FBLN2: variants seen among roughly 807,000 people sequenced by gnomAD.
FBLN2 encodes the protein fibulin-2.
FBLN2 carries 81 observed loss-of-function variants against 123.7 expected under a neutral mutation model. The observed-to-expected ratio is 0.65, with a 90% confidence interval of 0.55 to 0.79. The LOEUF (loss-of-function observed/expected upper bound fraction) is 0.79, where lower values mean the gene tolerates loss of function less well. FBLN2 is among the 30% of genes least tolerant of loss of function. The probability of loss-of-function intolerance (pLI) is 0.00; values close to 1 mark genes in which losing one functional copy is unlikely to be tolerated. For synonymous variants in FBLN2, 699 were observed against 701.4 expected (o/e 1.00, Z 0.05); for missense variants, 1,603 against 1,681.3 (o/e 0.95, Z 0.81).
At chr3:13,574,946 TA>T (rs1574953706) in intron 2 of FBLN2, among the ~76,000 whole-genome samples, 1 of 152,218 alleles carries the variant, frequency 6.6e-6, no homozygotes, top group Non-Finnish European at 1.5e-5. Flanking sequence ...TACATCCCTG[TA>T]ACGCCCTCCT....
intron 2 of FBLN2, among the ~76,000 whole-genome samples, chr3:13,577,417 G>C (rs566672180): frequency 1.3e-4 from 20 of 152,138 alleles, no homozygotes; most frequent in Non-Finnish European, 2.6e-4. Context: ...CGAGATAAGT[G>C]GGGGAGAGGG....
intron 2 of FBLN2, among the ~76,000 whole-genome samples, chr3:13,578,049 C>T (rs551164870): frequency 6.6e-6 from 1 of 152,202 alleles, no homozygotes. Flanking sequence ...CTGGGTGCTC[C>T]CTGTGTTTGC....
At chr3:13,552,532 C>T (rs1319162039) in intron 1 of FBLN2, among the ~76,000 whole-genome samples, 2 of 152,176 alleles carry the variant, frequency 1.3e-5, no homozygotes, top group Non-Finnish European at 2.9e-5. Flanking sequence ...GCTCTGCCTC[C>T]AGGGCGCCTT....
chr3:13,578,335 C>A (rs932576534), intron 2 of FBLN2, among the ~76,000 whole-genome samples: 2 of 152,280 alleles, frequency 1.3e-5, no homozygotes, highest in Middle Eastern at 3.4e-3. Flanking sequence ...ACACCCACAT[C>A]TGTAGCAGTC....
intron 5 of FBLN2, among the ~76,000 whole-genome samples, chr3:13,616,179 G>A (rs749693919): frequency 2.6e-5 from 4 of 152,196 alleles, no homozygotes; most frequent in African/African-American, 7.2e-5. Flanking sequence ...CCAAGGAAGT[G>A]CTACTTGCTG....
chr3:13,572,129 A>C (rs899959258), intron 2 of FBLN2, among the ~76,000 whole-genome samples: 1 of 152,238 alleles, frequency 6.6e-6, no homozygotes, highest in South Asian at 2.1e-4. Flanking sequence ...AGAAAGCTGA[A>C]TTTTATGTGA....
chr3:13,570,575 C>T lies in FBLN2; in HGVS notation c.220C>T (p.Leu74=), dbSNP rs967022784. 1.8e-5 allele frequency: 29 copies of T among 1,587,742 alleles called. No individual in the cohort carries two copies. Among genetic ancestry groups the T allele is most frequent in the Non-Finnish European group, 2.1e-5 (25 of 1,168,392 alleles). ...CGAGGGCTACCAGTACTATGACTGCCTACAGGGTGGCTTCGTGCGCGGCCG... is the reference window on the plus strand; with the variant it reads ...CGAGGGCTACCAGTACTATGACTGCTTACAGGGTGGCTTCGTGCGCGGCCG... ...ACEGYQYYDC[L]QGGFVRGRVP... The change falls in exon 2 of 18, where the codon CTA becomes TTA. Residue 74 remains leucine, a synonymous_variant. Transcript: ENST00000404922.
chr3:13,587,306 A>G (rs2124850301), intron 2 of FBLN2, among the ~76,000 whole-genome samples: 1 of 152,314 alleles, frequency 6.6e-6, no homozygotes, highest in Non-Finnish European at 1.5e-5. Flanking sequence ...TATAAAGTAA[A>G]AACATTACAG....
At chr3:13,629,670 C>T in intron 13 of FBLN2, 150 bp from the exon 14 acceptor site, 1 of 1,140,362 alleles carries the variant, frequency 8.8e-7, no homozygotes, top group Non-Finnish European at 1.2e-6. Context: ...GTCTCTTTGC[C>T]TCTCTCTTTC....
In FBLN2 at chr3:13,549,151, C is replaced by T. The variant is rs1190842345; in HGVS notation, c.-99C>T. 1.0e-6 allele frequency: 1 copy of T among 982,938 alleles called. No homozygotes were observed. The highest frequency in any genetic ancestry group is 1.2e-6 in the Non-Finnish European group (1 of 828,974). The allele number at this position is 982,938 out of a possible 1,614,324, so 60.9% of individuals were successfully genotyped here. On this transcript the variant is annotated 5_prime_UTR_variant, in exon 1 of 18. Coordinates refer to ENST00000404922, the MANE Select transcript of FBLN2 (RefSeq NM_001004019.2). ...CACACAGCCAGGGGCCGCCCGGGCT[C>T]TCGACGCGCCGACGGCCGGGCGGAC...
At chr3:13,554,074 T>A (rs1252515420) in intron 1 of FBLN2, among the ~76,000 whole-genome samples, 1 of 152,246 alleles carries the variant, frequency 6.6e-6, no homozygotes, top group African/African-American at 2.4e-5. Flanking sequence ...TTGTCTCCTA[T>A]CCTTAGCTTC....
Position 13,631,394 on chromosome 3 carries a change from A to G in FBLN2, c.3151A>G (p.Ser1051Gly), listed in dbSNP as rs1706251868. ...CTTCCGCTGTCTCAACGTGCCAGGG[A>G]GCTACCAGTGTGCATGCCCTGAGCA... ...CTFRCLNVPG[S>G]YQCACPEQGY... is the part of the protein sequence containing the mutation. Residue 1051 changes from serine to glycine, a missense_variant, in exon 16 of 18, where the codon AGC (serine) becomes GGC (glycine). Coordinates refer to ENST00000404922, the MANE Select transcript of FBLN2 (RefSeq NM_001004019.2). 1 of 1,601,990 alleles carries G rather than the reference A, an allele frequency of 6.2e-7. No homozygotes were observed. Among genetic ancestry groups the G allele is most frequent in the African/African-American group, 1.3e-5 (1 of 74,652 alleles).
chr3:13,605,869 C>A (rs1356503311), intron 2 of FBLN2, among the ~76,000 whole-genome samples: 4 of 152,148 alleles, frequency 2.6e-5, no homozygotes, highest in African/African-American at 4.8e-5. Flanking sequence ...AAAAGGGGGT[C>A]CCCACCTCTG....
At chr3:13,557,193 T>C (rs1026460339) in intron 1 of FBLN2, among the ~76,000 whole-genome samples, 15 of 152,306 alleles carry the variant, frequency 9.8e-5, no homozygotes, top group African/African-American at 3.1e-4. Context: ...TGCGTTGATG[T>C]GGCCCCAGGC....
At chr3:13,616,099 G>A (rs1056486143) in intron 5 of FBLN2, among the ~76,000 whole-genome samples, 17 of 152,134 alleles carry the variant, frequency 1.1e-4, no homozygotes, top group Non-Finnish European at 1.9e-4. Flanking sequence ...CCAGACCTGG[G>A]CAGATCAACC....
intron 15 of FBLN2, 134 bp from the exon 16 acceptor site, chr3:13,631,195 T>G (rs1022039781): frequency 8.7e-7 from 1 of 1,154,446 alleles, no homozygotes; most frequent in African/African-American, 1.5e-5. Flanking sequence ...TCTCTTCTAC[T>G]CTCTCAGTCC....
At chr3:13,590,661 G>C (rs1704644340) in intron 2 of FBLN2, among the ~76,000 whole-genome samples, 2 of 152,210 alleles carry the variant, frequency 1.3e-5, no homozygotes, top group African/African-American at 4.8e-5. Context: ...TATTTTGAAT[G>C]ATGGGAACAT....
chr3:13,628,345 T>C (rs1706123111), intron 11 of FBLN2, among the ~76,000 whole-genome samples: 1 of 152,074 alleles, frequency 6.6e-6, no homozygotes, highest in Non-Finnish European at 1.5e-5. Context: ...AGAACTGCAA[T>C]ACCAGTGTCC....
chr3:13,576,272 C>T (rs987521536), intron 2 of FBLN2, among the ~76,000 whole-genome samples: 1 of 152,218 alleles, frequency 6.6e-6, no homozygotes, highest in African/African-American at 2.4e-5. Context: ...ACTGCTGACA[C>T]TGCAGAGCCC....
Sources: gnomAD v4.1 joint callset for allele counts (sites outside exome capture counted in the v4.1 genomes callset) on GRCh38, gnomAD v4.1.1 for gene constraint, MANE v1.5 for transcripts, NCBI Gene and HGNC (gene_info 2026-07-23, HGNC 2026-07-21) for gene names.